The following PAK5 variants were observed in gnomAD, a reference collection of about 807,000 sequenced individuals.
The protein encoded by PAK5 is p21 (RAC1) activated kinase 5, also known as serine/threonine-protein kinase PAK 5.
PAK5 carries 16 observed loss-of-function variants against 65.9 expected under a neutral mutation model. That is an observed-to-expected ratio of 0.24 (90% CI 0.16 to 0.37). PAK5 has a LOEUF of 0.37. Among genes scored for constraint, PAK5 ranks in the 10% least tolerant of loss-of-function variants. The pLI is 1.00. For synonymous variants in PAK5, 371 were observed against 354.9 expected (o/e 1.05, Z -0.51); for missense variants, 785 against 903.9 (o/e 0.87, Z 1.69).
intron 3 of PAK5, among the ~76,000 whole-genome samples, chr20:9,596,665 A>G (rs1316103962): frequency 8.7e-5 from 13 of 148,754 alleles, no homozygotes; most frequent in Non-Finnish European, 1.6e-4. Flanking sequence ...AAAAAAGACT[A>G]CAGAGAAGTC....
At chr20:9,622,027 C>T (rs1472643359) in intron 3 of PAK5, among the ~76,000 whole-genome samples, 2 of 152,168 alleles carry the variant, frequency 1.3e-5, no homozygotes, top group African/African-American at 4.8e-5. Context: ...AAGTCACTTG[C>T]AGAAGAATCC....
At chr20:9,698,103 GA>G (rs2047892871) in intron 2 of PAK5, among the ~76,000 whole-genome samples, 1 of 152,078 alleles carries the variant, frequency 6.6e-6, no homozygotes, top group Non-Finnish European at 1.5e-5. Flanking sequence ...TTACAAGTGG[GA>G]GAGGGCTTGA....
At chr20:9,579,995 T>G (rs2045948748) in intron 4 of PAK5, 150 bp downstream of exon 4, 4 of 609,244 alleles carry the variant, frequency 6.6e-6, no homozygotes. Context: ...CCCTGGGGCC[T>G]CACAAGTGGA....
At chr20:9,712,074 T>A (rs1233273362) in intron 1 of PAK5, among the ~76,000 whole-genome samples, 1 of 152,184 alleles carries the variant, frequency 6.6e-6, no homozygotes, top group African/African-American at 2.4e-5. Flanking sequence ...ACGTGTTTTC[T>A]CCATAAGGCA....
intron 2 of PAK5, among the ~76,000 whole-genome samples, chr20:9,698,266 C>G (rs1037581112): frequency 1.3e-5 from 2 of 152,088 alleles, no homozygotes; most frequent in Admixed American, 1.3e-4. Context: ...TTACAACACT[C>G]CTCTTAAGTA....
chr20:9,791,533 T>C (rs1459829733), intron 1 of PAK5, among the ~76,000 whole-genome samples: 1 of 152,048 alleles, frequency 6.6e-6, no homozygotes, highest in African/African-American at 2.4e-5. Context: ...CCCCTTCATC[T>C]CTCTGATGAC....
At chr20:9,714,262 T>G (rs972433113) in intron 1 of PAK5, among the ~76,000 whole-genome samples, 15 of 152,178 alleles carry the variant, frequency 9.9e-5, no homozygotes, top group African/African-American at 3.6e-4. Flanking sequence ...TGTAGGTTAA[T>G]AGTTCGCCTT....
intron 1 of PAK5, among the ~76,000 whole-genome samples, chr20:9,786,998 A>T (rs2048999751): frequency 6.6e-6 from 1 of 152,172 alleles, no homozygotes; most frequent in Admixed American, 6.6e-5. Context: ...AGTATTTCTG[A>T]ATCACTCCTC....
intron 3 of PAK5, among the ~76,000 whole-genome samples, chr20:9,643,612 A>G (rs1490109609): frequency 2.0e-5 from 3 of 152,186 alleles, no homozygotes; most frequent in South Asian, 4.1e-4. Context: ...ATATACACAC[A>G]TATTTATTTG....
intron 2 of PAK5, among the ~76,000 whole-genome samples, chr20:9,695,822 T>C (rs1410265726): frequency 6.6e-6 from 1 of 152,028 alleles, no homozygotes; most frequent in African/African-American, 2.4e-5. Context: ...ATTCAACTTT[T>C]AAATTCTAAA....
At chr20:9,590,358 A>G (rs1262255886) in intron 3 of PAK5, among the ~76,000 whole-genome samples, 1 of 152,218 alleles carries the variant, frequency 6.6e-6, no homozygotes, top group African/African-American at 2.4e-5. Flanking sequence ...GATCTAGAGC[A>G]GAAGTCAGGA....
At chr20:9,669,129 A>G (rs2047459045) in intron 2 of PAK5, among the ~76,000 whole-genome samples, 1 of 152,224 alleles carries the variant, frequency 6.6e-6, no homozygotes, top group African/African-American at 2.4e-5. Flanking sequence ...AATATATGTA[A>G]CACATCTTTT....
chr20:9,764,352 T>C (rs1028555290), intron 1 of PAK5, among the ~76,000 whole-genome samples: 3 of 152,220 alleles, frequency 2.0e-5, no homozygotes, highest in African/African-American at 7.2e-5. Context: ...CAGTGTATCG[T>C]ATGGGGCACA....
intron 3 of PAK5, among the ~76,000 whole-genome samples, chr20:9,595,727 T>G (rs753941855): frequency 6.6e-6 from 1 of 152,188 alleles, no homozygotes. Context: ...GGAATGTTCT[T>G]GAAGACATCG....
intron 2 of PAK5, among the ~76,000 whole-genome samples, chr20:9,680,425 G>C (rs1274016196): frequency 6.6e-6 from 1 of 152,170 alleles, no homozygotes; most frequent in African/African-American, 2.4e-5. Flanking sequence ...AGCCAGTGCA[G>C]AGCATATTTC....
At chr20:9,545,451 A>C (rs1253687419) in intron 7 of PAK5, among the ~76,000 whole-genome samples, 2 of 152,232 alleles carry the variant, frequency 1.3e-5, no homozygotes, top group Non-Finnish European at 2.9e-5. Context: ...ATAGAACACA[A>C]AAGAAAACAA....
intron 7 of PAK5, among the ~76,000 whole-genome samples, chr20:9,556,369 A>G (rs1045041777): frequency 6.6e-6 from 1 of 152,188 alleles, no homozygotes; most frequent in African/African-American, 2.4e-5. Context: ...AATATTTACA[A>G]TCTTTTTAAA....
At chr20:9,694,324 G>T (rs200717529) in intron 2 of PAK5, among the ~76,000 whole-genome samples, 1 of 71,974 alleles carries the variant, frequency 1.4e-5, no homozygotes, top group Non-Finnish European at 2.3e-5. Context: ...GTGTGTTTGT[G>T]TGTGTGTGTG....
intron 3 of PAK5, among the ~76,000 whole-genome samples, chr20:9,586,807 G>A (rs202098682): frequency 1.3e-5 from 2 of 152,140 alleles, no homozygotes; most frequent in East Asian, 3.9e-4. Flanking sequence ...CAGGTATCCC[G>A]AGAAAAATAT....
Sources: allele counts gnomAD v4.1 joint callset (sites outside exome capture counted in the v4.1 genomes callset), GRCh38; gene constraint gnomAD v4.1.1; transcripts MANE v1.5; gene names NCBI Gene and HGNC (gene_info 2026-07-23, HGNC 2026-07-21).